The following LRRTM3 variants were observed in gnomAD, a reference collection of about 807,000 sequenced individuals.
LRRTM3 encodes the protein leucine-rich repeat transmembrane neuronal protein 3.
Under a neutral mutation model 44.7 loss-of-function variants are expected in LRRTM3, and 24 were observed. The observed-to-expected ratio is 0.54, with a 90% CI of 0.39 to 0.76. LRRTM3 has a LOEUF of 0.76. Ranked by LOEUF, LRRTM3 falls within the 30% of genes least tolerant of loss-of-function variation. The pLI is 0.00. For synonymous variants in LRRTM3, 277 were observed against 278.7 expected, an observed-to-expected ratio of 0.99 and a Z score of 0.06; for missense variants, 587 against 702.2, an observed-to-expected ratio of 0.84 and a Z score of 1.85.
At chr10:66,972,700 A>ATTTT (rs56664927) in intron 2 of LRRTM3, among the ~76,000 whole-genome samples, 83 of 108,644 alleles carry the variant, frequency 7.6e-4, no homozygotes, top group African/African-American at 2.7e-3. Flanking sequence ...TGTCAAATAG[A>ATTTT]TTTTTTTTTT....
chr10:67,024,313 T>G (rs953851129), intron 2 of LRRTM3, among the ~76,000 whole-genome samples: 2 of 152,212 alleles, frequency 1.3e-5, no homozygotes, highest in African/African-American at 4.8e-5. Flanking sequence ...TGTCTTTATA[T>G]TTTTTCTCTC....
chr10:67,045,382 A>T (rs867974860), intron 2 of LRRTM3, among the ~76,000 whole-genome samples: 10 of 151,866 alleles, frequency 6.6e-5, no homozygotes, highest in African/African-American at 2.4e-4. Flanking sequence ...TCCATTTTTT[A>T]AAAAAAATTT....
rs1017666203 is a variant in LRRTM3 at position 67,039,482 on chromosome 10, T to C, written c.1537-58105T>C. 1.3e-4 allele frequency among the ~76,000 whole-genome samples: 20 copies of C among 152,306 alleles called. No individual in the cohort carries two copies. The South Asian group carries it at 2.1e-3, about 16-fold the overall frequency. On this transcript the variant is annotated intron_variant, in intron 2 of 2. Coordinates refer to ENST00000361320, the MANE Select transcript of LRRTM3 (RefSeq NM_178011.5). The stretch of plus-strand genomic sequence containing the variant: ...GTTGTCAATTAATCCAAGTATATAA[T>C]AATTTTTAAATTATGCCTCTATTTA...
At chr10:66,933,751 T>C (rs1238963059) in intron 2 of LRRTM3, among the ~76,000 whole-genome samples, 2 of 152,174 alleles carry the variant, frequency 1.3e-5, no homozygotes, top group Non-Finnish European at 2.9e-5. Context: ...GGGACTTCCT[T>C]TTATATGTCA....
At chr10:66,944,782 T>G (rs1320383211) in intron 2 of LRRTM3, among the ~76,000 whole-genome samples, 1 of 152,206 alleles carries the variant, frequency 6.6e-6, no homozygotes, top group East Asian at 1.9e-4. Flanking sequence ...GCAGAATGGA[T>G]GCTTTGTTAG....
intron 2 of LRRTM3, among the ~76,000 whole-genome samples, chr10:67,084,465 T>C (rs1857201419): frequency 6.6e-6 from 1 of 151,858 alleles, no homozygotes; most frequent in African/African-American, 2.4e-5. Flanking sequence ...ATATATTAAT[T>C]TAAATATTGT....
At chr10:66,978,096 G>A (rs1357759973) in intron 2 of LRRTM3, among the ~76,000 whole-genome samples, 2 of 150,494 alleles carry the variant, frequency 1.3e-5, no homozygotes, top group African/African-American at 2.5e-5. Flanking sequence ...ACACACATGC[G>A]ATGACGTTCC....
chr10:66,959,968 C>G (rs895484124), intron 2 of LRRTM3, among the ~76,000 whole-genome samples: 1 of 152,252 alleles, frequency 6.6e-6, no homozygotes, highest in Admixed American at 6.5e-5. Context: ...AACAACAGAT[C>G]CTGCTACAAG....
chr10:67,058,886 G>A (rs1009305149), intron 2 of LRRTM3, among the ~76,000 whole-genome samples: 10 of 151,996 alleles, frequency 6.6e-5, no homozygotes, highest in African/African-American at 2.4e-4. Context: ...TACTTAGTAT[G>A]ACTACACCTG....
At chr10:67,036,715 A>G (rs1854086091) in intron 2 of LRRTM3, among the ~76,000 whole-genome samples, 1 of 152,120 alleles carries the variant, frequency 6.6e-6, no homozygotes, top group Non-Finnish European at 1.5e-5. Flanking sequence ...GGCTGTGCCC[A>G]TTCATTTGTT....
At chr10:66,946,822 G>T (rs1416780362) in intron 2 of LRRTM3, among the ~76,000 whole-genome samples, 2 of 151,962 alleles carry the variant, frequency 1.3e-5, no homozygotes, top group African/African-American at 4.8e-5. Context: ...ATGGATCTAC[G>T]TATGTACTTG....
chr10:67,024,893 G>C (rs545342185), intron 2 of LRRTM3, among the ~76,000 whole-genome samples: 4 of 151,948 alleles, frequency 2.6e-5, no homozygotes, highest in African/African-American at 4.8e-5. Flanking sequence ...CACTTTAGGG[G>C]GCCAAGGCGG....
At chr10:66,980,447 T>C (rs1443915370) in intron 2 of LRRTM3, among the ~76,000 whole-genome samples, 1 of 141,298 alleles carries the variant, frequency 7.1e-6, no homozygotes, top group Non-Finnish European at 1.6e-5. Flanking sequence ...GTCACTGGCC[T>C]TTTCTGTTTC....
chr10:66,927,435 T>G lies in LRRTM3; in HGVS notation c.519T>G (p.Pro173=). 1 of 1,614,174 alleles carries G rather than the reference T, an allele frequency of 6.2e-7. No individual in the cohort carries two copies. The change falls in exon 2 of 3, where the codon CCT becomes CCG. Residue 173 remains proline (P), a synonymous_variant. Coordinates refer to ENST00000361320, the MANE Select transcript of LRRTM3 (RefSeq NM_178011.5). The surrounding 1 kb of genome is among the most constrained non-coding windows in gnomAD (Gnocchi z 4.7). ...GGTCTAACTCCCTGAGAACCATCCC[T>G]GTGCGAATATTCCAAGACTGCCGCA... ...HLRSNSLRTI[P]VRIFQDCRNL... is the part of the protein sequence containing the mutation.
intron 2 of LRRTM3, among the ~76,000 whole-genome samples, chr10:67,037,912 C>A (rs1395203523): frequency 6.6e-6 from 1 of 151,984 alleles, no homozygotes; most frequent in African/African-American, 2.4e-5. Context: ...AGGTCCAGGA[C>A]AGAAACCCAG....
At chr10:66,962,556 C>T (rs993622524) in intron 2 of LRRTM3, among the ~76,000 whole-genome samples, 1 of 151,798 alleles carries the variant, frequency 6.6e-6, no homozygotes, top group Non-Finnish European at 1.5e-5. Context: ...ATTACAGGCA[C>T]GTGCCACCAC....
chr10:66,972,700 ATTTTTTTTT>A (rs56664927), intron 2 of LRRTM3, among the ~76,000 whole-genome samples: 2 of 108,656 alleles, frequency 1.8e-5, no homozygotes, highest in South Asian at 3.4e-4. Context: ...TGTCAAATAG[ATTTTTTTTT>A]TTTTTTTTTT....
intron 2 of LRRTM3, among the ~76,000 whole-genome samples, chr10:66,958,255 G>A (rs897522635): frequency 2.9e-5 from 4 of 138,982 alleles, no homozygotes; most frequent in Non-Finnish European, 6.0e-5. Context: ...TAGCAACTTA[G>A]CATTTATTGG....
At chr10:67,042,846 T>G (rs1440815093) in intron 2 of LRRTM3, among the ~76,000 whole-genome samples, 1 of 152,092 alleles carries the variant, frequency 6.6e-6, no homozygotes, top group African/African-American at 2.4e-5. Flanking sequence ...CCAATGGAAA[T>G]GTGAGGAATA....
Sources: allele counts gnomAD v4.1 joint callset (sites outside exome capture counted in the v4.1 genomes callset), GRCh38; gene constraint gnomAD v4.1.1; non-coding constraint Gnocchi (gnomAD v3.1); transcripts MANE v1.5; gene names NCBI Gene and HGNC (gene_info 2026-07-23, HGNC 2026-07-21).